Variants in SYTL3 observed in about 807,000 individuals in gnomAD.
SYTL3 encodes synaptotagmin like 3, also known as synaptotagmin-like protein 3.
SYTL3 carries 88 observed loss-of-function variants against 82.1 expected under a neutral mutation model. The ratio of observed to expected loss-of-function variants is 1.07; its 90% CI spans 0.90 to 1.28. The LOEUF (loss-of-function observed/expected upper bound fraction) is 1.28, where lower values mean the gene tolerates loss of function less well. SYTL3 is among the 50% of genes most tolerant of loss of function. The pLI, the probability that SYTL3 is intolerant of heterozygous loss-of-function variation, is 0.00. For missense variants in SYTL3, 831 were observed against 757.6 expected (o/e 1.10, Z -1.14); for synonymous variants, 311 against 289.4 (o/e 1.07, Z -0.76).
chr6:158,698,725 C>T (rs1184094665), intron 6 of SYTL3, among the ~76,000 whole-genome samples: 2 of 152,106 alleles, frequency 1.3e-5, no homozygotes, highest in South Asian at 2.1e-4. Context: ...CCACTTATAT[C>T]GTGTATTGAT....
intron 6 of SYTL3, among the ~76,000 whole-genome samples, chr6:158,691,286 G>C (rs536774247): frequency 2.3e-4 from 35 of 151,878 alleles, no homozygotes; most frequent in Non-Finnish European, 4.6e-4. Flanking sequence ...GGCGGAGGTT[G>C]CAGTGAGCCA....
chr6:158,676,667 G>T (rs1294247085), intron 5 of SYTL3, among the ~76,000 whole-genome samples: 1 of 152,020 alleles, frequency 6.6e-6, no homozygotes, highest in Non-Finnish European at 1.5e-5. Flanking sequence ...CTGACAAAGG[G>T]CTAATATCCA....
chr6:158,738,739 C>A (rs545491114), intron 11 of SYTL3, among the ~76,000 whole-genome samples: 14 of 152,308 alleles, frequency 9.2e-5, no homozygotes, highest in African/African-American at 3.4e-4. Context: ...CTCACTGCAA[C>A]CTCCACCTCC....
At chr6:158,659,857 C>T (rs1362271523) in intron 2 of SYTL3, among the ~76,000 whole-genome samples, 2 of 152,166 alleles carry the variant, frequency 1.3e-5, no homozygotes, top group South Asian at 2.1e-4. Flanking sequence ...TTTTCACTGG[C>T]TGCTGATGTC....
At chr6:158,655,058 G>T (rs911526514) in intron 2 of SYTL3, among the ~76,000 whole-genome samples, 8 of 152,186 alleles carry the variant, frequency 5.3e-5, no homozygotes, top group Admixed American at 4.6e-4. Flanking sequence ...TTAAGATCTT[G>T]TTGAGCAAAT....
At chr6:158,711,947 G>A (rs950537701) in intron 8 of SYTL3, among the ~76,000 whole-genome samples, 1 of 152,092 alleles carries the variant, frequency 6.6e-6, no homozygotes, top group Non-Finnish European at 1.5e-5. Flanking sequence ...CCTGTATATT[G>A]GGCTGACCTC....
chr6:158,671,493 G>T (rs1272307387), intron 5 of SYTL3, among the ~76,000 whole-genome samples: 1 of 152,016 alleles, frequency 6.6e-6, no homozygotes, highest in African/African-American at 2.4e-5. Flanking sequence ...TAATTTTATC[G>T]GTGGCTCATG....
chr6:158,722,379 C>G (rs1583369149), intron 10 of SYTL3, among the ~76,000 whole-genome samples: 1 of 152,136 alleles, frequency 6.6e-6, no homozygotes, highest in East Asian at 1.9e-4. Context: ...CCAGACTGGT[C>G]TTGAATTCCT....
chr6:158,707,651 C>T (rs1047543521), intron 7 of SYTL3, among the ~76,000 whole-genome samples: 8 of 152,170 alleles, frequency 5.3e-5, no homozygotes, highest in South Asian at 2.1e-4. Flanking sequence ...GCGCCTGGCG[C>T]GTTAGAGATA....
chr6:158,742,838 C>T (rs1203268523), intron 11 of SYTL3, among the ~76,000 whole-genome samples: 3 of 152,112 alleles, frequency 2.0e-5, no homozygotes, highest in Non-Finnish European at 4.4e-5. Context: ...CTGCCCGCCT[C>T]GGCCTCCCAA....
In SYTL3 at chr6:158,697,692, A is replaced by G. The variant is rs973996975; in HGVS notation, c.395-9538A>G. ...AATATATAGAGAGCTCCTAGAGCCTATATTCATTTTTTTTAGAGAAAATCC... is the reference window on the plus strand; with the variant it reads ...AATATATAGAGAGCTCCTAGAGCCTGTATTCATTTTTTTTAGAGAAAATCC... On this transcript the variant is annotated intron_variant, in intron 6 of 17. Transcript: ENST00000611299. 8.5e-5 allele frequency among the ~76,000 whole-genome samples: 8 copies of G among 94,218 alleles called. No homozygotes were observed. In the East Asian group the frequency reaches 1.4e-3, roughly 17 times the overall value. The allele number at this position is 94,218 out of a possible 152,430, so 61.8% of individuals were successfully genotyped here. A position where few individuals can be genotyped will look rare whatever the true frequency, so the allele number is the denominator to read the frequency against.
intron 5 of SYTL3, among the ~76,000 whole-genome samples, chr6:158,672,283 T>C (rs1314328217): frequency 6.6e-6 from 1 of 152,126 alleles, no homozygotes; most frequent in Non-Finnish European, 1.5e-5. Flanking sequence ...AGAGCAAGAC[T>C]GTCTCAAAAA....
intron 11 of SYTL3, among the ~76,000 whole-genome samples, chr6:158,744,045 A>G (rs1329687843): frequency 6.6e-6 from 1 of 151,874 alleles, no homozygotes. Context: ...CAGCCTCCCA[A>G]GTAGCTGGGA....
chr6:158,690,370 G>A (rs541068532), intron 6 of SYTL3, among the ~76,000 whole-genome samples: 57 of 152,146 alleles, frequency 3.7e-4, no homozygotes, highest in Non-Finnish European at 6.9e-4. Flanking sequence ...TTTTTGACAC[G>A]GGGAAACCTA....
At chr6:158,690,258 G>T (rs1779722027) in intron 6 of SYTL3, among the ~76,000 whole-genome samples, 1 of 152,224 alleles carries the variant, frequency 6.6e-6, no homozygotes, top group South Asian at 2.1e-4. Context: ...AATTGAGCAG[G>T]GATCTGCTCA....
intron 11 of SYTL3, among the ~76,000 whole-genome samples, chr6:158,739,327 CT>C (rs750134986): frequency 1.3e-5 from 2 of 152,018 alleles, no homozygotes; most frequent in African/African-American, 4.8e-5. Context: ...GTAACAGATC[CT>C]TTTTTTCTCT....
intron 4 of SYTL3, 69 bp from the exon 5 acceptor site, chr6:158,665,326 G>C (rs1789904545): frequency 2.1e-6 from 3 of 1,454,758 alleles, no homozygotes; most frequent in Middle Eastern, 1.9e-4. Context: ...TACTGCCTGG[G>C]CTCTTGCCCT....
At chr6:158,656,295 C>G (rs1249279526) in intron 2 of SYTL3, among the ~76,000 whole-genome samples, 2 of 152,112 alleles carry the variant, frequency 1.3e-5, no homozygotes, top group African/African-American at 4.8e-5. Flanking sequence ...CAGTCTTCCT[C>G]TTCCTCGTGG....
chr6:158,712,643 A>C (rs918181033), intron 8 of SYTL3, among the ~76,000 whole-genome samples: 1 of 152,124 alleles, frequency 6.6e-6, no homozygotes, highest in South Asian at 2.1e-4. Flanking sequence ...TTGATCTTTC[A>C]TCGTTTAGGA....
Sources: allele counts gnomAD v4.1 joint callset (sites outside exome capture counted in the v4.1 genomes callset), GRCh38; gene constraint gnomAD v4.1.1; transcripts MANE v1.5; gene names NCBI Gene and HGNC (gene_info 2026-07-23, HGNC 2026-07-21).